The following DEPDC5 variants were observed in gnomAD, a reference collection of about 807,000 sequenced individuals.
DEPDC5 encodes the protein DEP domain containing 5, GATOR1 subcomplex subunit.
DEPDC5 carries 73 observed loss-of-function variants against 217.3 expected under a neutral mutation model. The ratio of observed to expected loss-of-function variants is 0.34; its 90% CI spans 0.28 to 0.41. The LOEUF is 0.41. Among genes scored for constraint, DEPDC5 ranks in the 10% least tolerant of loss-of-function variants. DEPDC5 has a pLI of 1.00. For missense variants in DEPDC5, 1,675 were observed against 2,070.1 expected (o/e 0.81, Z 3.70); for synonymous variants, 733 against 756.7 (o/e 0.97, Z 0.51).
Position 31,797,604 on chromosome 22 carries a change from G to C in DEPDC5, c.772G>C (p.Val258Leu). 1 of 1,612,642 alleles carries C rather than the reference G, an allele frequency of 6.2e-7. No individual in the cohort carries two copies. The highest frequency in any genetic ancestry group is 8.5e-7 in the Non-Finnish European group (1 of 1,178,638). ...TTATGATAATACTCTTTTCAGAGTG[G>C]TGGTGCAGAATGAGAGAAGAGAAGA... ...GRFYEDFYKV[V>L]VQNERREEWT... Residue 258 changes from valine to leucine, a missense_variant, in exon 13 of 43, where the codon GTG (valine) becomes CTG (leucine). Transcript: ENST00000651528.
At chr22:31,799,279 A>C (rs1313683463) in intron 14 of DEPDC5, among the ~76,000 whole-genome samples, 2 of 150,810 alleles carry the variant, frequency 1.3e-5, no homozygotes, top group East Asian at 3.9e-4. Context: ...TCCTGACCTC[A>C]TGATCCACCT....
rs745615027 is a variant in DEPDC5 at position 31,792,065 on chromosome 22, C to T, written c.657C>T (p.Val219=). The T allele has an allele frequency of 6.2e-7, 1 of 1,612,794 alleles. No individual in the cohort carries two copies. The highest frequency in any genetic ancestry group is 8.5e-7 in the Non-Finnish European group (1 of 1,179,274). The change falls in exon 11 of 43, where the codon GTC becomes GTT. Residue 219 remains valine (V), a synonymous_variant. Coordinates refer to ENST00000651528, the MANE Select transcript of DEPDC5 (RefSeq NM_001242896.3). ...EKNCSHEVTV[V]LFSRTFYDAK... is the part of the protein sequence containing the mutation. ...ACTGTAGTCATGAAGTGACAGTGGTCCTGTTTTCTAGAACTTTCTATGATG... is the reference window on the plus strand; with the variant it reads ...ACTGTAGTCATGAAGTGACAGTGGTTCTGTTTTCTAGAACTTTCTATGATG...
intron 4 of DEPDC5, among the ~76,000 whole-genome samples, chr22:31,763,012 A>G (rs986225489): frequency 5.3e-5 from 8 of 150,710 alleles, no homozygotes; most frequent in Non-Finnish European, 8.9e-5. Flanking sequence ...TTTTTTTGAG[A>G]TGGAGTCTCA....
chr22:31,839,562 T>C (rs1030580345), intron 27 of DEPDC5, among the ~76,000 whole-genome samples: 3 of 152,182 alleles, frequency 2.0e-5, no homozygotes, highest in Non-Finnish European at 4.4e-5. Flanking sequence ...GGATCATCTT[T>C]GTCCCCATGA....
chr22:31,806,264 C>A, intron 18 of DEPDC5, 73 bp downstream of exon 18: 1 of 1,322,668 alleles, frequency 7.6e-7, no homozygotes, highest in Non-Finnish European at 1.1e-6. Context: ...TGGACTCAAT[C>A]AGTCCTCCTG....
intron 2 of DEPDC5, among the ~76,000 whole-genome samples, chr22:31,758,172 G>T (rs1273377239): frequency 6.6e-6 from 1 of 152,180 alleles, no homozygotes. Flanking sequence ...GTAACGAATT[G>T]TGCTGTATCT....
At chr22:31,880,885 G>GT (rs1569189900) in intron 38 of DEPDC5, among the ~76,000 whole-genome samples, 1 of 152,086 alleles carries the variant, frequency 6.6e-6, no homozygotes, top group East Asian at 1.9e-4. Context: ...TTAGCCAGGC[G>GT]TGACAGTGTG....
rs1281246170 is a variant in DEPDC5 at position 31,873,352 on chromosome 22, G to A, written c.3563+20G>A. On this transcript the variant is annotated intron_variant, in intron 35 of 42. Coordinates refer to ENST00000651528, the MANE Select transcript of DEPDC5 (RefSeq NM_001242896.3). Reference sequence around the variant, plus strand: ...CCCCTCGTAAGTGGCTCACCACAGTGTAGGGTTGGAAGGTTCCCAGAAGCC... The same window carrying A: ...CCCCTCGTAAGTGGCTCACCACAGTATAGGGTTGGAAGGTTCCCAGAAGCC... 6.2e-7 allele frequency: 1 copy of A among 1,611,072 alleles called. No homozygotes were observed. Among genetic ancestry groups the A allele is most frequent in the African/African-American group, 1.3e-5 (1 of 74,852 alleles).
intron 27 of DEPDC5, among the ~76,000 whole-genome samples, chr22:31,842,575 C>CAA (rs56671305): frequency 0.034 from 2,470 of 73,314 alleles, 83 homozygotes; most frequent in East Asian, 0.1. Context: ...AACTCCATCT[C>CAA]AAAAAAAAAA....
intron 35 of DEPDC5, chr22:31,873,707 A>T: frequency 5.6e-6 from 1 of 177,090 alleles, no homozygotes; most frequent in Non-Finnish European, 1.2e-5. Flanking sequence ...ATGATGCCTG[A>T]CAAGTATAGG....
At chr22:31,827,594 A>G (rs1210358561) in intron 24 of DEPDC5, among the ~76,000 whole-genome samples, 1 of 152,108 alleles carries the variant, frequency 6.6e-6, no homozygotes, top group Non-Finnish European at 1.5e-5. Flanking sequence ...TCTGCACAAA[A>G]TTTTCCAAGG....
At chr22:31,773,413 G>A (rs2083525414) in intron 7 of DEPDC5, among the ~76,000 whole-genome samples, 1 of 152,046 alleles carries the variant, frequency 6.6e-6, no homozygotes, top group Non-Finnish European at 1.5e-5. Context: ...ATGTTCCTCA[G>A]GCTGGTTTCC....
chr22:31,775,725 A>G (rs963638206), intron 7 of DEPDC5, among the ~76,000 whole-genome samples: 5 of 151,990 alleles, frequency 3.3e-5, no homozygotes, highest in South Asian at 4.2e-4. Flanking sequence ...GTTTCCCCAC[A>G]TTATCTGGTT....
intron 40 of DEPDC5, among the ~76,000 whole-genome samples, chr22:31,900,504 C>G (rs9621361): frequency 6.6e-6 from 1 of 150,812 alleles, no homozygotes; most frequent in African/African-American, 2.4e-5. Flanking sequence ...TTTGGGAGGC[C>G]GAGGCAGGCA....
chr22:31,839,608 C>T (rs577726594), intron 27 of DEPDC5, among the ~76,000 whole-genome samples: 94 of 146,738 alleles, frequency 6.4e-4, no homozygotes, highest in Non-Finnish European at 7.3e-4. Flanking sequence ...GAACTGTGGC[C>T]CTGTTGGAGC....
In DEPDC5 at chr22:31,761,387, G is replaced by A. The variant is rs1224039604; in HGVS notation, c.193+685G>A. 3.3e-5 allele frequency among the ~76,000 whole-genome samples: 5 copies of A among 152,120 alleles called. No homozygotes were observed. In the South Asian group the frequency reaches 6.2e-4, roughly 19 times the overall value. ...TATAGGTAAGAACATGCAGTATTTG[G>A]TTTTCTGTTTGTGAGTTAGTTCACT... On this transcript the variant is annotated intron_variant, in intron 4 of 42. Transcript: ENST00000651528.
intron 15 of DEPDC5, 114 bp downstream of exon 15, chr22:31,802,952 GTGTCACAACGTC>G: frequency 3.8e-6 from 5 of 1,328,326 alleles, no homozygotes; most frequent in Non-Finnish European, 4.9e-6. Context: ...AGTGTTCTGT[GTGTCACAACGTC>G]TGTGGATGTC....
chr22:31,765,829 C>T (rs2082765612), intron 5 of DEPDC5, among the ~76,000 whole-genome samples: 1 of 152,042 alleles, frequency 6.6e-6, no homozygotes, highest in African/African-American at 2.4e-5. Flanking sequence ...TTGAGACCAG[C>T]CTGGGAAACA....
chr22:31,822,972 C>T, intron 24 of DEPDC5, 182 bp downstream of exon 24: 1 of 583,356 alleles, frequency 1.7e-6, no homozygotes, highest in Non-Finnish European at 3.0e-6. Context: ...TGCACGTTAA[C>T]ATTTTTAGCT....
Sources: gnomAD v4.1 joint callset for allele counts (sites outside exome capture counted in the v4.1 genomes callset) on GRCh38, gnomAD v4.1.1 for gene constraint, MANE v1.5 for transcripts, NCBI Gene and HGNC (gene_info 2026-07-23, HGNC 2026-07-21) for gene names.